The following CDH13 variants were observed in gnomAD, a reference collection of about 807,000 sequenced individuals.
CDH13 encodes cadherin-13.
CDH13 carries 24 observed loss-of-function variants against 63.8 expected under a neutral mutation model. The ratio of observed to expected loss-of-function variants is 0.38; its 90% CI spans 0.27 to 0.53. CDH13 has a LOEUF of 0.53. Ranked by LOEUF, CDH13 falls within the 20% of genes least tolerant of loss-of-function variation. The pLI is 0.85. For missense variants in CDH13, 1,049 were observed against 903.1 expected, an observed-to-expected ratio of 1.16 and a Z score of -2.07; for synonymous variants, 503 against 355.3, an observed-to-expected ratio of 1.42 and a Z score of -4.67.
rs570523165 is a variant in CDH13, at chr16:83,620,385, G to A, written c.1101+17791G>A. On this transcript the variant is annotated intron_variant, in intron 8 of 13. Coordinates refer to ENST00000567109, the MANE Select transcript of CDH13 (RefSeq NM_001257.5). Reference sequence around the variant, plus strand: ...CAACCTGTCGACAGAGCGAGACTCCGTCTCAAAAAAAAAAAAAAAAAAAAA... The same window carrying A: ...CAACCTGTCGACAGAGCGAGACTCCATCTCAAAAAAAAAAAAAAAAAAAAA... 1.0e-4 allele frequency among the ~76,000 whole-genome samples: 8 copies of A among 78,502 alleles called. No individual in the cohort carries two copies. In the East Asian group the frequency reaches 1.7e-3, roughly 17 times the overall value. 51.5% of individuals were successfully genotyped at this position (78,502 alleles called of 152,430 possible). A position where few individuals can be genotyped will look rare whatever the true frequency, so the allele number is the denominator to read the frequency against.
At chr16:83,542,767 G>C (rs2075317884) in intron 7 of CDH13, among the ~76,000 whole-genome samples, 2 of 152,106 alleles carry the variant, frequency 1.3e-5, no homozygotes, top group African/African-American at 4.8e-5. Flanking sequence ...TCTTCACATT[G>C]TTTTCCTTGT....
At chr16:83,207,571 A>G (rs942752281) in intron 4 of CDH13, among the ~76,000 whole-genome samples, 1 of 152,210 alleles carries the variant, frequency 6.6e-6, no homozygotes, top group African/African-American at 2.4e-5. Context: ...GGCTATTGTG[A>G]GAAATCCTAC....
At chr16:83,130,938 T>G (rs2036016336) in intron 4 of CDH13, among the ~76,000 whole-genome samples, 1 of 152,152 alleles carries the variant, frequency 6.6e-6, no homozygotes, top group Admixed American at 6.5e-5. Context: ...CAACTGGATA[T>G]CCTGCTGTGT....
chr16:83,391,985 CTA>C (rs1567639508), intron 6 of CDH13, among the ~76,000 whole-genome samples: 9 of 152,306 alleles, frequency 5.9e-5, no homozygotes, highest in African/African-American at 2.2e-4. Flanking sequence ...TGGGGCAACT[CTA>C]TGTAGTCAGG....
intron 1 of CDH13, among the ~76,000 whole-genome samples, chr16:82,803,756 T>G (rs112352371): frequency 6.6e-6 from 1 of 150,844 alleles, no homozygotes; most frequent in African/African-American, 2.5e-5. Context: ...TCCACTTATA[T>G]GAGGTATCTA....
At chr16:83,658,882 C>T (rs1480740029) in intron 8 of CDH13, among the ~76,000 whole-genome samples, 17 of 144,394 alleles carry the variant, frequency 1.2e-4, no homozygotes, top group African/African-American at 4.2e-4. Context: ...CCTGTCCTCA[C>T]CACCAGGTCC....
intron 1 of CDH13, among the ~76,000 whole-genome samples, chr16:82,730,306 A>G (rs1011151422): frequency 6.6e-6 from 1 of 152,190 alleles, no homozygotes; most frequent in Non-Finnish European, 1.5e-5. Flanking sequence ...AGTGAGAGGT[A>G]TGCAACTCTT....
chr16:82,643,587 A>T (rs1045697063), intron 1 of CDH13, among the ~76,000 whole-genome samples: 1 of 152,192 alleles, frequency 6.6e-6, no homozygotes, highest in Non-Finnish European at 1.5e-5. Flanking sequence ...GGCCTATTGG[A>T]AATAAAGCAA....
intron 2 of CDH13, among the ~76,000 whole-genome samples, chr16:82,999,217 T>C (rs893329712): frequency 3.9e-5 from 6 of 152,196 alleles, no homozygotes; most frequent in Non-Finnish European, 5.9e-5. Flanking sequence ...TTATTGTAGA[T>C]ACTCCTTAAT....
At chr16:83,050,405 C>T (rs1043021871) in intron 3 of CDH13, among the ~76,000 whole-genome samples, 1 of 152,158 alleles carries the variant, frequency 6.6e-6, no homozygotes, top group African/African-American at 2.4e-5. Flanking sequence ...CTTTAATTCC[C>T]AGCAGAGCAT....
intron 10 of CDH13, among the ~76,000 whole-genome samples, chr16:83,743,549 A>T (rs1157970402): frequency 1.3e-5 from 2 of 152,206 alleles, no homozygotes; most frequent in African/African-American, 4.8e-5. Flanking sequence ...AGCATCAAAG[A>T]GCATTGCTTG....
intron 1 of CDH13, among the ~76,000 whole-genome samples, chr16:82,648,177 G>C (rs976080772): frequency 6.6e-6 from 1 of 152,156 alleles, no homozygotes; most frequent in African/African-American, 2.4e-5. Flanking sequence ...ATAGCAGTTT[G>C]AAAATGGACT....
intron 7 of CDH13, among the ~76,000 whole-genome samples, chr16:83,529,316 C>A (rs1162653353): frequency 6.6e-6 from 1 of 151,936 alleles, no homozygotes. Flanking sequence ...GTCTTTTGCC[C>A]AGAAATTTTA....
At chr16:83,723,721 G>C (rs1021244212) in intron 10 of CDH13, among the ~76,000 whole-genome samples, 2 of 152,120 alleles carry the variant, frequency 1.3e-5, no homozygotes, top group African/African-American at 4.8e-5. Context: ...CCTTCCTCTT[G>C]TAGAACAGAA....
chr16:83,598,762 A>C (rs1421837486), intron 7 of CDH13, among the ~76,000 whole-genome samples: 5 of 151,908 alleles, frequency 3.3e-5, no homozygotes, highest in South Asian at 2.1e-4. Flanking sequence ...CTCCATCTCT[A>C]CCTCTTAGTC....
intron 4 of CDH13, among the ~76,000 whole-genome samples, chr16:83,185,016 C>T (rs1007333424): frequency 2.0e-5 from 3 of 151,964 alleles, no homozygotes; most frequent in East Asian, 1.9e-4. Context: ...ACACTTTCCT[C>T]TATCTTTCTG....
At chr16:83,634,749 T>G (rs191528360) in intron 8 of CDH13, among the ~76,000 whole-genome samples, 1 of 152,168 alleles carries the variant, frequency 6.6e-6, no homozygotes, top group Non-Finnish European at 1.5e-5. Context: ...TTCATCCAAG[T>G]ACTCACATCA....
chr16:83,630,534 T>C (rs935488792), intron 8 of CDH13, among the ~76,000 whole-genome samples: 2 of 152,222 alleles, frequency 1.3e-5, no homozygotes, highest in Non-Finnish European at 2.9e-5. Flanking sequence ...GGTTGCATTC[T>C]TTTGAGTCCT....
At chr16:83,109,523 C>G (rs1387321837) in intron 3 of CDH13, among the ~76,000 whole-genome samples, 1 of 151,958 alleles carries the variant, frequency 6.6e-6, no homozygotes, top group East Asian at 1.9e-4. Context: ...TAAATACCCA[C>G]TGAATTGAAA....
Sources: gnomAD v4.1 joint callset for allele counts (sites outside exome capture counted in the v4.1 genomes callset) on GRCh38, gnomAD v4.1.1 for gene constraint, MANE v1.5 for transcripts, NCBI Gene and HGNC (gene_info 2026-07-23, HGNC 2026-07-21) for gene names.